The following TENM3 variants were observed in gnomAD, a reference collection of about 807,000 sequenced individuals.
TENM3 encodes teneurin transmembrane protein 3.
TENM3 carries 63 observed loss-of-function variants against 255.1 expected under a neutral mutation model. That is an observed-to-expected ratio of 0.25 (90% CI 0.20 to 0.30). TENM3 has a LOEUF of 0.30. Among genes scored for constraint, TENM3 ranks in the 10% least tolerant of loss-of-function variants. TENM3 has a pLI of 1.00. For missense variants in TENM3, 2,929 were observed against 3,461.1 expected (o/e 0.85, Z 3.86); for synonymous variants, 1,306 against 1,322.3 (o/e 0.99, Z 0.27).
intron 22 of TENM3, among the ~76,000 whole-genome samples, chr4:182,759,820 T>C (rs1198465653): frequency 6.6e-6 from 1 of 152,216 alleles, no homozygotes; most frequent in Non-Finnish European, 1.5e-5. Flanking sequence ...ATGGTAACTG[T>C]CATTTCGAAA....
At chr4:182,697,575 A>G (rs1204377991) in intron 12 of TENM3, among the ~76,000 whole-genome samples, 3 of 152,126 alleles carry the variant, frequency 2.0e-5, no homozygotes, top group Admixed American at 6.5e-5. Context: ...TGAGAGAGTC[A>G]TGGAAAGCCC....
chr4:182,360,609 G>A (rs570412444), intron 3 of TENM3, among the ~76,000 whole-genome samples: 8 of 152,206 alleles, frequency 5.3e-5, no homozygotes, highest in African/African-American at 1.9e-4. Flanking sequence ...TTGAGGCTAT[G>A]TGTGTCTCTG....
At chr4:182,512,605 G>T (rs184899760) in intron 3 of TENM3, among the ~76,000 whole-genome samples, 71 of 152,214 alleles carry the variant, frequency 4.7e-4, no homozygotes, top group African/African-American at 1.7e-3. Flanking sequence ...TAAAACATTT[G>T]ATTATTACCT....
the TENM3 span, among the ~76,000 whole-genome samples, chr4:181,615,688 T>C: frequency 1.3e-5 from 2 of 152,176 alleles, no homozygotes; most frequent in Non-Finnish European, 2.9e-5. Context: ...AATTTTTCCA[T>C]GAGTTTAAAA....
At chr4:181,593,579 G>T in the TENM3 span, among the ~76,000 whole-genome samples, 1 of 152,188 alleles carries the variant, frequency 6.6e-6, no homozygotes, top group Admixed American at 6.5e-5. Context: ...CTGGATAAAA[G>T]AAATTTAAGC....
chr4:182,229,976 G>A (rs1053353519), intron 1 of TENM3, among the ~76,000 whole-genome samples: 7 of 152,016 alleles, frequency 4.6e-5, no homozygotes, highest in African/African-American at 1.7e-4. Context: ...ATTGTGGTTG[G>A]TAGTAATACA....
intron 20 of TENM3, 110 bp from the exon 21 acceptor site, chr4:182,753,340 C>T: frequency 1.2e-6 from 1 of 843,272 alleles, no homozygotes; most frequent in Non-Finnish European, 1.9e-6. Flanking sequence ...TGCTACCTGT[C>T]ACCCGTGTTG....
chr4:182,092,110 C>T, the TENM3 span, among the ~76,000 whole-genome samples: 3 of 151,684 alleles, frequency 2.0e-5, no homozygotes, highest in East Asian at 2.0e-4. Context: ...GAGGCCAAGG[C>T]GGGTGGATCA....
chr4:182,762,594 A>G (rs912947040), intron 22 of TENM3, among the ~76,000 whole-genome samples: 10 of 152,168 alleles, frequency 6.6e-5, no homozygotes, highest in Non-Finnish European at 1.5e-4. Context: ...AATAAAAGCA[A>G]TGCCAGCAGC....
intron 5 of TENM3, among the ~76,000 whole-genome samples, chr4:182,634,683 ATTC>A (rs546324396): frequency 5.0e-5 from 7 of 139,794 alleles, no homozygotes; most frequent in African/African-American, 1.6e-4. Context: ...TGATGTACTC[ATTC>A]TTCTTTTTTG....
At chr4:182,459,875 A>G (rs1774199773) in intron 3 of TENM3, among the ~76,000 whole-genome samples, 1 of 152,214 alleles carries the variant, frequency 6.6e-6, no homozygotes, top group Non-Finnish European at 1.5e-5. Context: ...GGCAGAATGA[A>G]TAGAATTAAA....
At chr4:182,665,418 A>G (rs559953995) in intron 6 of TENM3, among the ~76,000 whole-genome samples, 2 of 152,214 alleles carry the variant, frequency 1.3e-5, no homozygotes, top group African/African-American at 2.4e-5. Context: ...GAGATGTGCG[A>G]GGAGGTTAAT....
chr4:182,068,051 G>A, the TENM3 span, among the ~76,000 whole-genome samples: 1 of 152,108 alleles, frequency 6.6e-6, no homozygotes, highest in Non-Finnish European at 1.5e-5. Context: ...CTTAAAACTG[G>A]CAGTGATGTT....
chr4:181,773,153 T>C, the TENM3 span, among the ~76,000 whole-genome samples: 3 of 152,168 alleles, frequency 2.0e-5, no homozygotes, highest in Non-Finnish European at 4.4e-5. Flanking sequence ...ATTTTTCTTC[T>C]TCAGGTTAAG....
the TENM3 span, among the ~76,000 whole-genome samples, chr4:181,917,620 C>G: frequency 6.6e-6 from 1 of 151,422 alleles, no homozygotes; most frequent in Non-Finnish European, 1.5e-5. Context: ...CAACTCAGCG[C>G]TCAGCATCTC....
chr4:182,248,157 T>G (rs1192122712), intron 1 of TENM3, among the ~76,000 whole-genome samples: 3 of 152,172 alleles, frequency 2.0e-5, no homozygotes. Flanking sequence ...AAATTTGCTT[T>G]TAAAATATAA....
chr4:182,145,847 G>A (rs1464368696), intron 1 of TENM3, among the ~76,000 whole-genome samples: 2 of 152,136 alleles, frequency 1.3e-5, no homozygotes, highest in Non-Finnish European at 2.9e-5. Context: ...GTCAAACATT[G>A]GTAGACTCTG....
intron 6 of TENM3, among the ~76,000 whole-genome samples, chr4:182,661,541 A>G (rs1215594618): frequency 2.0e-5 from 3 of 152,110 alleles, no homozygotes; most frequent in Non-Finnish European, 2.9e-5. Flanking sequence ...ATTAGATGCT[A>G]TATTGATTTT....
At chr4:181,726,391 G>A in the TENM3 span, among the ~76,000 whole-genome samples, 5 of 152,132 alleles carry the variant, frequency 3.3e-5, no homozygotes, top group East Asian at 3.9e-4. Flanking sequence ...TCACATATAC[G>A]CTTTATACTA....
Sources: allele counts gnomAD v4.1 joint callset (sites outside exome capture counted in the v4.1 genomes callset), GRCh38; gene constraint gnomAD v4.1.1; transcripts MANE v1.5; gene names NCBI Gene and HGNC (gene_info 2026-07-23, HGNC 2026-07-21).